The following RB1CC1 variants were observed in gnomAD, a reference collection of about 807,000 sequenced individuals.
RB1CC1 encodes the protein RB1-inducible coiled-coil protein 1.
Under a neutral mutation model 177.5 loss-of-function variants are expected in RB1CC1, and 46 were observed. The ratio of observed to expected loss-of-function variants is 0.26; its 90% CI spans 0.20 to 0.33. The LOEUF is 0.33. Ranked by LOEUF, RB1CC1 falls within the 10% of genes least tolerant of loss-of-function variation. The probability of loss-of-function intolerance (pLI) is 1.00; values close to 1 mark genes in which losing one functional copy is unlikely to be tolerated. For missense variants in RB1CC1, 1,703 were observed against 1,816.3 expected (o/e 0.94, Z 1.13); for synonymous variants, 666 against 613.6 (o/e 1.09, Z -1.26).
At chr8:52,658,155 T>G (rs774702506) in intron 13 of RB1CC1, 31 bp from the exon 14 acceptor site, 2 of 1,590,822 alleles carry the variant, frequency 1.3e-6, no homozygotes, top group Non-Finnish European at 1.7e-6. Context: ...ATTAGACTTC[T>G]GATTTTTTAA....
chr8:52,679,734 A>C lies in RB1CC1; in HGVS notation c.370-3163T>G, dbSNP rs967896074. ...TAATTTAGGTTCACACCACTATTGC[A>C]GACATTTAGCAAAACTTGGGAGAAC... On this transcript the variant is annotated intron_variant, in intron 5 of 23. Coordinates refer to ENST00000025008, the MANE Select transcript of RB1CC1 (RefSeq NM_014781.5). Among the ~76,000 whole-genome samples, 75 of 152,338 alleles carry C rather than the reference A, an allele frequency of 4.9e-4. 1 individual carries two copies. Among genetic ancestry groups the C allele is most frequent in the African/African-American group, 1.7e-3 (70 of 41,580 alleles).
At chr8:52,680,232 A>C (rs1373136028) in intron 5 of RB1CC1, among the ~76,000 whole-genome samples, 1 of 152,210 alleles carries the variant, frequency 6.6e-6, no homozygotes, top group Non-Finnish European at 1.5e-5. Context: ...TTTTCCTAAG[A>C]ACTTGGTCTA....
At chr8:52,641,170 G>C (rs184007222) in intron 18 of RB1CC1, among the ~76,000 whole-genome samples, 357 of 152,010 alleles carry the variant, frequency 2.3e-3, no homozygotes, top group African/African-American at 8.3e-3. Context: ...GATCACCTGA[G>C]GTCAGGAGTT....
chr8:52,700,973 G>A (rs62501678), intron 1 of RB1CC1, among the ~76,000 whole-genome samples: 13 of 152,174 alleles, frequency 8.5e-5, no homozygotes, highest in Non-Finnish European at 1.8e-4. Context: ...GTTGACCTAG[G>A]TGACACCCAA....
At chr8:52,638,717 CA>C (rs988406487) in intron 18 of RB1CC1, among the ~76,000 whole-genome samples, 9 of 150,674 alleles carry the variant, frequency 6.0e-5, no homozygotes, top group African/African-American at 1.9e-4. Context: ...TCTGTAAGTT[CA>C]AAAAAAAATT....
chr8:52,713,886 A>C (rs1439715143), intron 1 of RB1CC1, among the ~76,000 whole-genome samples, 189 bp downstream of exon 1: 2 of 152,120 alleles, frequency 1.3e-5, no homozygotes, highest in East Asian at 1.9e-4. Flanking sequence ...CGCGCCGGGA[A>C]AGCGGCCAGT....
At chr8:52,697,121 G>A (rs893236150) in intron 1 of RB1CC1, among the ~76,000 whole-genome samples, 12 of 152,068 alleles carry the variant, frequency 7.9e-5, no homozygotes, top group African/African-American at 2.9e-4. Flanking sequence ...TGCCACCCCA[G>A]ACCACCTCTG....
intron 7 of RB1CC1, among the ~76,000 whole-genome samples, chr8:52,673,227 C>T (rs1337742366): frequency 6.6e-6 from 1 of 152,180 alleles, no homozygotes; most frequent in Non-Finnish European, 1.5e-5. Flanking sequence ...AACAATGAAA[C>T]ATGCCCCATC....
rs150810028 is a variant in RB1CC1 at position 52,680,994 on chromosome 8, G to GTGTT, written c.369+2554_369+2555insAACA. On this transcript the variant is annotated intron_variant, in intron 5 of 23. Coordinates refer to ENST00000025008, the MANE Select transcript of RB1CC1 (RefSeq NM_014781.5). Reference sequence around the variant, plus strand: ...TGTGTGTGTGTGTGTGTGTGTGTGTGTTTTTTTTTTTTTTTGAGATGAAGT... The same window carrying GTGTT: ...TGTGTGTGTGTGTGTGTGTGTGTGTGTGTTTTTTTTTTTTTTTTTGAGATGAAGT... 3.7e-4 allele frequency among the ~76,000 whole-genome samples: 48 copies of GTGTT among 128,620 alleles called. 1 individual carries two copies. The highest frequency in any genetic ancestry group is 3.0e-3 in the Admixed American group (39 of 12,798). The allele number at this position is 128,620 out of a possible 152,430, so 84.4% of individuals were successfully genotyped here.
In RB1CC1 at chr8:52,657,609, T is replaced by C. The variant is rs778426698; in HGVS notation, c.2220A>G (p.Val740=). ...TAGGAGACGACAAATTTTCTTCTAT[T>C]ACAAACTCATTCACAGCAGACATAA... ...SDFMSAVNEF[V]IEENLSSPNP... Residue 740 remains valine, a synonymous_variant, in exon 15 of 24, where the codon GTA becomes GTG. Transcript: ENST00000025008. The C allele has an allele frequency of 6.2e-7, 1 of 1,614,118 alleles. No homozygotes were observed. Among genetic ancestry groups the C allele is most frequent in the East Asian group, 2.2e-5 (1 of 44,852 alleles).
chr8:52,672,703 C>A (rs1038841221), intron 7 of RB1CC1, among the ~76,000 whole-genome samples: 12 of 152,144 alleles, frequency 7.9e-5, no homozygotes, highest in Non-Finnish European at 2.9e-5. Context: ...TATAATCATG[C>A]CACTGTACTC....
chr8:52,706,190 T>C (rs1264044551), intron 1 of RB1CC1, among the ~76,000 whole-genome samples: 3 of 150,508 alleles, frequency 2.0e-5, no homozygotes, highest in Admixed American at 1.3e-4. Flanking sequence ...ATAAAGAACC[T>C]GAATTTGTTG....
In RB1CC1 at chr8:52,686,891, A is replaced by G; in HGVS notation, c.-90T>C. On this transcript the variant is annotated 5_prime_UTR_variant, in exon 2 of 24. Coordinates refer to ENST00000025008, the MANE Select transcript of RB1CC1 (RefSeq NM_014781.5). ...GAAAAGGACTACCACTTTTCTTAAA[A>G]AGTAGATTAAAACTGGCTTATGTTT... The G allele has an allele frequency of 4.4e-6, 2 of 456,584 alleles. 1 individual carries two copies. The allele number at this position is 456,584 out of a possible 1,614,324, so 28.3% of individuals were successfully genotyped here.
chr8:52,671,819 T>C (rs113046117), intron 7 of RB1CC1, among the ~76,000 whole-genome samples: 26 of 152,200 alleles, frequency 1.7e-4, no homozygotes, highest in East Asian at 7.7e-4. Context: ...AGCACCTAGG[T>C]ATTAAGCCCA....
intron 1 of RB1CC1, among the ~76,000 whole-genome samples, chr8:52,694,016 A>G (rs1855142403): frequency 6.6e-6 from 1 of 152,196 alleles, no homozygotes; most frequent in Non-Finnish European, 1.5e-5. Context: ...GCAGTGTGGA[A>G]TTCTCTAGAA....
At chr8:52,672,102 T>C (rs538862852) in intron 7 of RB1CC1, among the ~76,000 whole-genome samples, 5 of 152,220 alleles carry the variant, frequency 3.3e-5, no homozygotes, top group Non-Finnish European at 7.3e-5. Context: ...AATAACACTA[T>C]AGCTACCTTC....
intron 18 of RB1CC1, among the ~76,000 whole-genome samples, chr8:52,636,785 T>C (rs547556699): frequency 6.6e-6 from 1 of 152,312 alleles, no homozygotes; most frequent in East Asian, 1.9e-4. Flanking sequence ...AGGGTCCAAC[T>C]TCATCCTTTT....
At chr8:52,707,604 T>C (rs1053783013) in intron 1 of RB1CC1, among the ~76,000 whole-genome samples, 2 of 152,102 alleles carry the variant, frequency 1.3e-5, no homozygotes, top group Non-Finnish European at 2.9e-5. Flanking sequence ...TAAATCTCTA[T>C]CCGGCTTCAA....
Position 52,628,077 on chromosome 8 carries a change from G to A in RB1CC1, c.4591C>T (p.His1531Tyr). Residue 1531 changes from histidine to tyrosine, a missense_variant, in exon 22 of 24, where the codon CAT becomes TAT. By Grantham distance (83) the His-to-Tyr change is moderately conservative. Transcript: ENST00000025008. ...TCCAGGGCAGGTAGAGACTCTGAAT[G>A]TAGAAAATATAAAGTAGGACTAACA... ...FTVSPTLYFLHSESLPALDLK... is the reference protein window; with the variant it reads ...FTVSPTLYFLYSESLPALDLK... 1 of 1,606,582 alleles carries A rather than the reference G, an allele frequency of 6.2e-7. No individual in the cohort carries two copies. The highest frequency in any genetic ancestry group is 8.5e-7 in the Non-Finnish European group (1 of 1,175,550).
Sources: allele counts gnomAD v4.1 joint callset (sites outside exome capture counted in the v4.1 genomes callset), GRCh38; gene constraint gnomAD v4.1.1; transcripts MANE v1.5; gene names NCBI Gene and HGNC (gene_info 2026-07-23, HGNC 2026-07-21).